The following SGCZ variants were observed in gnomAD, a reference collection of about 807,000 sequenced individuals.
The protein encoded by SGCZ is zeta-sarcoglycan.
A neutral mutation model predicts 41.3 loss-of-function variants in SGCZ; 40 were observed. That is an observed-to-expected ratio of 0.97 (90% confidence interval 0.75 to 1.26). SGCZ has a LOEUF of 1.26. SGCZ is among the 50% of genes most tolerant of loss of function. The probability of loss-of-function intolerance (pLI) is 0.00; values close to 1 mark genes in which losing one functional copy is unlikely to be tolerated. For missense variants in SGCZ, 552 were observed against 369.8 expected (o/e 1.49, Z -4.04); for synonymous variants, 206 against 137.5 (o/e 1.50, Z -3.49).
At chr8:14,113,609 C>G (rs73520378) in intron 5 of SGCZ, among the ~76,000 whole-genome samples, 27,242 of 151,882 alleles carry the variant, frequency 0.18, 3,316 homozygotes, top group East Asian at 0.65. Context: ...CAGGTGAACC[C>G]GGGAAGTATA....
intron 1 of SGCZ, among the ~76,000 whole-genome samples, chr8:14,597,963 T>A (rs1032795227): frequency 1.3e-5 from 2 of 152,322 alleles, no homozygotes; most frequent in Non-Finnish European, 2.9e-5. Flanking sequence ...GTATTCTTCA[T>A]TGCAAATAAT....
At chr8:14,806,167 G>C (rs1465970829) in intron 1 of SGCZ, among the ~76,000 whole-genome samples, 1 of 151,870 alleles carries the variant, frequency 6.6e-6, no homozygotes, top group Non-Finnish European at 1.5e-5. Flanking sequence ...CACAATAAAA[G>C]GAACTAGAAA....
chr8:14,284,963 C>G (rs2116928180), intron 3 of SGCZ, among the ~76,000 whole-genome samples: 1 of 152,240 alleles, frequency 6.6e-6, no homozygotes, highest in Non-Finnish European at 1.5e-5. Flanking sequence ...TGGGCATTTT[C>G]TATAAAAGTC....
chr8:14,655,837 A>ACATAATT (rs1343717524), intron 1 of SGCZ, among the ~76,000 whole-genome samples: 4 of 152,082 alleles, frequency 2.6e-5, no homozygotes, highest in Non-Finnish European at 5.9e-5. Flanking sequence ...GTCATTTAGG[A>ACATAATT]GTGTTACATA....
intron 1 of SGCZ, among the ~76,000 whole-genome samples, chr8:14,750,992 A>C (rs970336268): frequency 6.6e-6 from 1 of 152,208 alleles, no homozygotes; most frequent in Non-Finnish European, 1.5e-5. Context: ...GTTATGAACC[A>C]AATGAAAACT....
chr8:15,054,799 A>AT (rs1804644348), intron 1 of SGCZ, among the ~76,000 whole-genome samples: 1 of 151,268 alleles, frequency 6.6e-6, no homozygotes, highest in African/African-American at 2.4e-5. Context: ...CTAAAAAAAT[A>AT]CAAAAAAAAA....
chr8:15,198,538 G>C lies in SGCZ; in HGVS notation c.39+39047C>G, dbSNP rs73667906. Among the ~76,000 whole-genome samples, 636 of 152,200 alleles carry C rather than the reference G, an allele frequency of 4.2e-3. 2 individuals are homozygous for C. Among genetic ancestry groups the C allele is most frequent in the African/African-American group, 0.015 (615 of 41,536 alleles). On this transcript the variant is annotated intron_variant, in intron 1 of 7. Transcript: ENST00000382080. ...AATTCATGTACAATCTTGTGAAATGGATTTGCTATACTTTAGAATAAAAAA... is the reference window on the plus strand; with the variant it reads ...AATTCATGTACAATCTTGTGAAATGCATTTGCTATACTTTAGAATAAAAAA...
rs114417841 is a variant in SGCZ at position 15,198,512 on chromosome 8, T to C, written c.39+39073A>G. Among the ~76,000 whole-genome samples the C allele has an allele frequency of 1.8e-3, 280 of 152,318 alleles. 1 individual carries two copies. Among genetic ancestry groups the C allele is most frequent in the African/African-American group, 6.4e-3 (268 of 41,570 alleles). On this transcript the variant is annotated intron_variant, in intron 1 of 7. Coordinates refer to ENST00000382080, the MANE Select transcript of SGCZ (RefSeq NM_139167.4). ...TTAAAAGTAGCACATCAATCTGGGA[T>C]AATTCATGTACAATCTTGTGAAATG... is the stretch of plus-strand genomic sequence containing the variant.
At chr8:15,000,562 G>C (rs1310881519) in intron 1 of SGCZ, among the ~76,000 whole-genome samples, 3 of 152,156 alleles carry the variant, frequency 2.0e-5, no homozygotes, top group Non-Finnish European at 4.4e-5. Flanking sequence ...CCAGGAACCA[G>C]GGACTAGACA....
chr8:14,820,040 G>T (rs909234951), intron 1 of SGCZ, among the ~76,000 whole-genome samples: 9 of 151,878 alleles, frequency 5.9e-5, no homozygotes, highest in African/African-American at 2.2e-4. Flanking sequence ...GAATATAAAT[G>T]AATTAAATTG....
chr8:14,280,684 G>A (rs1013976372), intron 3 of SGCZ, among the ~76,000 whole-genome samples: 2 of 151,642 alleles, frequency 1.3e-5, no homozygotes, highest in African/African-American at 4.8e-5. Context: ...CTTATCTTGT[G>A]GTGAGAAAAA....
chr8:14,769,942 G>C (rs6651383), intron 1 of SGCZ, among the ~76,000 whole-genome samples: 1 of 151,408 alleles, frequency 6.6e-6, no homozygotes, highest in Non-Finnish European at 1.5e-5. Context: ...ATGCAACTCA[G>C]TTGGCCTCTA....
intron 2 of SGCZ, among the ~76,000 whole-genome samples, chr8:14,523,961 CTATCT>C (rs1802864723): frequency 1.3e-5 from 2 of 152,024 alleles, no homozygotes; most frequent in Admixed American, 1.3e-4. Flanking sequence ...TTTCATTCTT[CTATCT>C]TTGAGTTTAC....
intron 1 of SGCZ, among the ~76,000 whole-genome samples, chr8:15,072,826 T>G (rs1006940544): frequency 6.6e-6 from 1 of 152,148 alleles, no homozygotes; most frequent in African/African-American, 2.4e-5. Context: ...CGTATTTTAG[T>G]CCAAACCCCC....
intron 2 of SGCZ, among the ~76,000 whole-genome samples, chr8:14,345,393 C>T (rs7826347): frequency 0.5 from 75,313 of 151,902 alleles, 19,502 homozygotes; most frequent in South Asian, 0.6. Flanking sequence ...ATATGTATGT[C>T]CTCTGACCTA....
intron 7 of SGCZ, among the ~76,000 whole-genome samples, chr8:14,101,117 C>G (rs540322635): frequency 6.0e-5 from 9 of 151,242 alleles, no homozygotes; most frequent in Middle Eastern, 3.4e-3. Flanking sequence ...CCAAGATGTC[C>G]AGGTTTGAAA....
rs1037091069 is a variant in SGCZ, at chr8:15,221,020, G to C, written c.39+16565C>G. 2.0e-5 allele frequency among the ~76,000 whole-genome samples: 3 copies of C among 152,014 alleles called. No individual in the cohort carries two copies. In the South Asian group the frequency reaches 6.2e-4, roughly 32 times the overall value. Reference sequence around the variant, plus strand: ...ACACACAGGGGCCGGTCGTCGGGTAGGGTATAGGGGGAGGGATAGCATTAG... The same window carrying C: ...ACACACAGGGGCCGGTCGTCGGGTACGGTATAGGGGGAGGGATAGCATTAG... On this transcript the variant is annotated intron_variant, in intron 1 of 7. Coordinates refer to ENST00000382080, the MANE Select transcript of SGCZ (RefSeq NM_139167.4).
chr8:14,254,133 T>C (rs991283081), intron 3 of SGCZ, among the ~76,000 whole-genome samples: 2 of 152,172 alleles, frequency 1.3e-5, no homozygotes, highest in Non-Finnish European at 2.9e-5. Flanking sequence ...GAGAAATAAA[T>C]GTGTCTAAGC....
chr8:14,640,425 A>G (rs73188127), intron 1 of SGCZ, among the ~76,000 whole-genome samples: 1,580 of 151,720 alleles, frequency 0.01, 14 homozygotes, highest in Middle Eastern at 0.024. Flanking sequence ...TCTAAAGATT[A>G]TTGTTTTGTA....
Sources: gnomAD v4.1 joint callset for allele counts (sites outside exome capture counted in the v4.1 genomes callset) on GRCh38, gnomAD v4.1.1 for gene constraint, MANE v1.5 for transcripts, NCBI Gene and HGNC (gene_info 2026-07-23, HGNC 2026-07-21) for gene names.